Variants in DPP6 observed in about 807,000 individuals in gnomAD.
DPP6 encodes the protein dipeptidyl peptidase like 6.
DPP6 carries 69 observed loss-of-function variants against 122.6 expected under a neutral mutation model. The observed-to-expected ratio is 0.56, with a 90% CI of 0.46 to 0.69. DPP6 has a LOEUF of 0.69. Among genes scored for constraint, DPP6 ranks in the 30% least tolerant of loss-of-function variants. The pLI is 0.00. For synonymous variants in DPP6, 418 were observed against 433.1 expected, an observed-to-expected ratio of 0.97 and a Z score of 0.43; for missense variants, 928 against 1,116.9, an observed-to-expected ratio of 0.83 and a Z score of 2.41.
chr7:153,773,530 G>A, the DPP6 span, among the ~76,000 whole-genome samples: 1 of 150,740 alleles, frequency 6.6e-6, no homozygotes, highest in Non-Finnish European at 1.5e-5. Flanking sequence ...AAATTGCTAG[G>A]GATTTAAATT....
Position 154,694,328 on chromosome 7 carries a change from G to A in DPP6, c.762+24887G>A, listed in dbSNP as rs188474687. On this transcript the variant is annotated intron_variant, in intron 7 of 25. Coordinates refer to ENST00000377770, the MANE Select transcript of DPP6 (RefSeq NM_130797.4). The stretch of plus-strand genomic sequence containing the variant: ...GTGTAACACCATAAAGAAGACATGG[G>A]AGGCCAGGCTCAGTGGCTCACAACT... Among the ~76,000 whole-genome samples, 308 of 152,276 alleles carry A rather than the reference G, an allele frequency of 2.0e-3. 1 individual carries two copies. Among genetic ancestry groups the A allele is most frequent in the African/African-American group, 7.1e-3 (294 of 41,566 alleles).
chr7:154,134,136 G>A (rs192174822), intron 1 of DPP6, among the ~76,000 whole-genome samples: 1 of 152,084 alleles, frequency 6.6e-6, no homozygotes, highest in Non-Finnish European at 1.5e-5. Context: ...AGTGAGATAC[G>A]TAGTTTCTGG....
chr7:154,295,363 C>T (rs569118384), intron 1 of DPP6, among the ~76,000 whole-genome samples: 4 of 152,182 alleles, frequency 2.6e-5, no homozygotes, highest in Admixed American at 6.5e-5. Context: ...TCCATCAAAC[C>T]ACTATCTGTG....
At chr7:154,055,463 CAA>C (rs754827552) in intron 1 of DPP6, 27 of 150,918 alleles carry the variant, frequency 1.8e-4, no homozygotes, top group Non-Finnish European at 3.8e-4. Flanking sequence ...AAAACAAAAA[CAA>C]AAAAAGAGAT....
chr7:154,106,665 G>T (rs1484070987), intron 1 of DPP6, among the ~76,000 whole-genome samples: 1 of 151,946 alleles, frequency 6.6e-6, no homozygotes, highest in Non-Finnish European at 1.5e-5. Flanking sequence ...TGTCTCTCCT[G>T]AGAAGGCAGC....
intron 23 of DPP6, among the ~76,000 whole-genome samples, chr7:154,887,970 G>A (rs921669798): frequency 1.3e-5 from 2 of 152,160 alleles, no homozygotes; most frequent in African/African-American, 2.4e-5. Context: ...GAGGGATGAG[G>A]AAGAAAGTAA....
chr7:154,320,216 A>T (rs1807818857), intron 1 of DPP6, among the ~76,000 whole-genome samples: 1 of 152,000 alleles, frequency 6.6e-6, no homozygotes, highest in African/African-American at 2.4e-5. Context: ...TTCCACTCCG[A>T]GTCTTTGGAA....
rs189135080 is a variant in DPP6, at chr7:154,341,727, C to T, written c.244-104487C>T. Among the ~76,000 whole-genome samples the T allele has an allele frequency of 1.7e-3, 254 of 151,842 alleles. 1 individual carries two copies. Among genetic ancestry groups the T allele is most frequent in the East Asian group, 3.3e-3 (17 of 5,132 alleles). On this transcript the variant is annotated intron_variant, in intron 1 of 25. Transcript: ENST00000377770. ...GTACGTGTGTTTGTGTTTCACTTTTCTCCTTGATGACATTTAAGACTGCAC... is the reference window on the plus strand; with the variant it reads ...GTACGTGTGTTTGTGTTTCACTTTTTTCCTTGATGACATTTAAGACTGCAC...
intron 2 of DPP6, among the ~76,000 whole-genome samples, chr7:154,456,449 T>C (rs1009055986): frequency 1.1e-4 from 17 of 152,300 alleles, no homozygotes; most frequent in African/African-American, 3.8e-4. Context: ...TTCATGTCTT[T>C]CTTTTTCATT....
the DPP6 span, among the ~76,000 whole-genome samples, chr7:153,772,441 C>T: frequency 6.6e-6 from 1 of 151,812 alleles, no homozygotes; most frequent in African/African-American, 2.4e-5. Context: ...ATATTGTAAA[C>T]CTTAGGGCAA....
At chr7:154,425,605 TGTG>T (rs1817824971) in intron 1 of DPP6, among the ~76,000 whole-genome samples, 1 of 95,588 alleles carries the variant, frequency 1.0e-5, no homozygotes, top group Admixed American at 1.3e-4. Context: ...GGGAAAAAAA[TGTG>T]TGTGTGTGTG....
intron 1 of DPP6, among the ~76,000 whole-genome samples, chr7:154,327,021 TAGAC>T (rs1808502897): frequency 6.6e-6 from 1 of 152,132 alleles, no homozygotes; most frequent in Admixed American, 6.6e-5. Flanking sequence ...ACAGGATCGT[TAGAC>T]AGATAAGAGA....
At chr7:154,051,496 C>T (rs1410449906), upstream of DPP6, among the ~76,000 whole-genome samples, 5 of 149,554 alleles carry the variant, frequency 3.3e-5, no homozygotes. Context: ...AGGAGCGGAG[C>T]CCGCTGGTGC....
chr7:154,136,969 G>A (rs1044663892), intron 1 of DPP6, among the ~76,000 whole-genome samples: 4 of 152,154 alleles, frequency 2.6e-5, no homozygotes, highest in African/African-American at 9.7e-5. Context: ...TTTACCTATA[G>A]ATAGGGTTGG....
chr7:154,032,269 C>A (rs1223937956), intron 1 of DPP6, among the ~76,000 whole-genome samples: 1 of 152,052 alleles, frequency 6.6e-6, no homozygotes, highest in Non-Finnish European at 1.5e-5. Context: ...AAGGACGTTG[C>A]AGGTGGAGGT....
At chr7:154,885,775 C>T in intron 22 of DPP6, 31 bp downstream of exon 22, 1 of 1,557,016 alleles carries the variant, frequency 6.4e-7, no homozygotes. Flanking sequence ...AAGCGACGGG[C>T]TCTGCTCCCG....
intron 1 of DPP6, among the ~76,000 whole-genome samples, chr7:154,166,665 A>T (rs1343086777): frequency 1.4e-5 from 2 of 141,774 alleles, no homozygotes; most frequent in Non-Finnish European, 3.0e-5. Context: ...AATCCCGGCA[A>T]TTTGGGAGGC....
At chr7:153,818,556 CA>C in the DPP6 span, among the ~76,000 whole-genome samples, 1 of 152,068 alleles carries the variant, frequency 6.6e-6, no homozygotes, top group Non-Finnish European at 1.5e-5. Context: ...AATTAGGTTG[CA>C]AGATATATTG....
intron 1 of DPP6, among the ~76,000 whole-genome samples, chr7:154,208,049 A>G (rs1799543817): frequency 1.3e-5 from 2 of 152,272 alleles, no homozygotes; most frequent in African/African-American, 4.8e-5. Flanking sequence ...TTCCTGTGAT[A>G]TGATAAAGAA....
Sources: allele counts gnomAD v4.1 joint callset (sites outside exome capture counted in the v4.1 genomes callset), GRCh38; gene constraint gnomAD v4.1.1; transcripts MANE v1.5; gene names NCBI Gene and HGNC (gene_info 2026-07-23, HGNC 2026-07-21).